The following ZNF516 variants were observed in gnomAD, a reference collection of about 807,000 sequenced individuals.
The protein encoded by ZNF516 is zinc finger protein 516.
Under a neutral mutation model 79.7 loss-of-function variants are expected in ZNF516, and 19 were observed. That is an observed-to-expected ratio of 0.24 (90% CI 0.17 to 0.35). The LOEUF is 0.35. Ranked by LOEUF, ZNF516 falls within the 10% of genes least tolerant of loss-of-function variation. The pLI, the probability that ZNF516 is intolerant of heterozygous loss-of-function variation, is 1.00. For missense variants in ZNF516, 1,678 were observed against 1,679.5 expected, an observed-to-expected ratio of 1.00 and a Z score of 0.02; for synonymous variants, 877 against 739.5, an observed-to-expected ratio of 1.19 and a Z score of -3.02.
chr18:76,462,869 TTTC>T (rs1421056865), intron 2 of ZNF516, among the ~76,000 whole-genome samples, 156 bp downstream of exon 2: 8 of 152,308 alleles, frequency 5.3e-5, no homozygotes, highest in South Asian at 2.1e-4. Context: ...TTTAATTATT[TTTC>T]TTCTATTTAC....
intron 3 of ZNF516, among the ~76,000 whole-genome samples, chr18:76,431,481 C>T (rs1403642256): frequency 6.6e-6 from 1 of 152,202 alleles, no homozygotes; most frequent in African/African-American, 2.4e-5. Context: ...TCTGGAAGGT[C>T]CTGTGCCCGG....
chr18:76,480,234 T>A (rs1377526425), intron 1 of ZNF516, among the ~76,000 whole-genome samples: 6 of 151,862 alleles, frequency 4.0e-5, no homozygotes, highest in Non-Finnish European at 7.4e-5. Context: ...TTTAACATTT[T>A]GGATTTTGGA....
At chr18:76,392,329 T>C (rs1041638656) in intron 3 of ZNF516, among the ~76,000 whole-genome samples, 3 of 152,224 alleles carry the variant, frequency 2.0e-5, no homozygotes, top group Non-Finnish European at 2.9e-5. Flanking sequence ...AATCTTCTGG[T>C]CAGCCACAGG....
rs1448584258 is a variant in ZNF516 at position 76,467,940 on chromosome 18, C to T, written c.-271-4799G>A. 1.3e-5 allele frequency among the ~76,000 whole-genome samples: 2 copies of T among 152,198 alleles called. No individual in the cohort carries two copies. Among genetic ancestry groups the T allele is most frequent in the Non-Finnish European group, 2.9e-5 (2 of 68,046 alleles). On this transcript the variant is annotated intron_variant, in intron 1 of 6. Transcript: ENST00000443185. This position sits in a 1 kb window ranked among gnomAD's most constrained non-coding sequence, Gnocchi z 4.2. ...TGCTAACTCCCACTGTCATCCCAGG[C>T]AGCCTTGCAAGCAAAGAGTAGCTGC... is the stretch of plus-strand genomic sequence containing the variant.
At chr18:76,470,666 A>T (rs1913774838) in intron 1 of ZNF516, among the ~76,000 whole-genome samples, 1 of 152,224 alleles carries the variant, frequency 6.6e-6, no homozygotes, top group Admixed American at 6.5e-5. Flanking sequence ...AGGACTTCTT[A>T]TCTATGATTT....
At chr18:76,483,615 C>G (rs2145795672) in intron 1 of ZNF516, among the ~76,000 whole-genome samples, 1 of 152,296 alleles carries the variant, frequency 6.6e-6, no homozygotes, top group Non-Finnish European at 1.5e-5. Context: ...AGTCTCAGGG[C>G]CCAGCCGTCT....
At position 76,360,227 on chromosome 18, in the gene ZNF516, T is replaced by G. The variant is rs2074510296; in HGVS notation, c.*2271A>C. ...CCAGCTCCAAAGGCCAACTGCACTT[T>G]TCCATGCCGCTTCTGAAACAGTAAA... On this transcript the variant is annotated 3_prime_UTR_variant, in exon 7 of 7. Transcript: ENST00000443185. 1 of 152,226 alleles carries G rather than the reference T, an allele frequency of 6.6e-6. No individual in the cohort carries two copies. Among genetic ancestry groups the G allele is most frequent in the Non-Finnish European group, 1.5e-5 (1 of 68,036 alleles). The allele number at this position is 152,226 out of a possible 1,614,324, so 9.4% of individuals were successfully genotyped here.
chr18:76,386,864 T>A (rs2075000223), intron 3 of ZNF516: 1 of 152,232 alleles, frequency 6.6e-6, no homozygotes, highest in African/African-American at 2.4e-5. Context: ...TTCTATAATT[T>A]CGGCAACCAT....
chr18:76,417,935 A>G (rs545238537), intron 3 of ZNF516, among the ~76,000 whole-genome samples: 1 of 152,248 alleles, frequency 6.6e-6, no homozygotes, highest in Admixed American at 6.5e-5. Context: ...TCTCGGCCAG[A>G]GGGTCAAGTA....
intron 1 of ZNF516, among the ~76,000 whole-genome samples, chr18:76,472,724 C>T (rs192689692): frequency 6.6e-6 from 1 of 152,254 alleles, no homozygotes; most frequent in Non-Finnish European, 1.5e-5. Flanking sequence ...CAGGATGGCT[C>T]CAAATGAAGG....
Position 76,441,477 on chromosome 18 carries a change from G to C in ZNF516, c.1578C>G (p.Thr526=), listed in dbSNP as rs752864778. 5.0e-6 allele frequency: 8 copies of C among 1,602,534 alleles called. No homozygotes were observed. Among genetic ancestry groups the C allele is most frequent in the Non-Finnish European group, 6.8e-6 (8 of 1,175,860 alleles). ...GTGAGTGCAGCACCATCTGATGATA[G>C]GTGCGGAAGATCTTGCCGCACTCGA... is the stretch of plus-strand genomic sequence containing the variant. ...ECFECGKIFR[T]YHQMVLHSRV... The change falls in exon 3 of 7, where the codon ACC becomes ACG. Residue 526 remains threonine, a synonymous_variant. Transcript: ENST00000443185.
At chr18:76,375,348 G>A (rs2074769571) in intron 4 of ZNF516, among the ~76,000 whole-genome samples, 1 of 152,026 alleles carries the variant, frequency 6.6e-6, no homozygotes, top group African/African-American at 2.4e-5. Flanking sequence ...GTAGAAGGAT[G>A]GACACAGAAG....
chr18:76,437,580 T>C (rs1035304926), intron 3 of ZNF516, among the ~76,000 whole-genome samples: 37 of 152,168 alleles, frequency 2.4e-4, no homozygotes, highest in Non-Finnish European at 5.1e-4. Context: ...TTGAACACAA[T>C]GGTCCTTTGT....
rs1007263412 is a variant in ZNF516 at position 76,361,585 on chromosome 18, CT to C, written c.*912del. The stretch of plus-strand genomic sequence containing the variant: ...GGGCACCTGAACCTGCTCAGGGATT[CT>C]TCTGCCATTACTAAAACAGGTCCGA... On this transcript the variant is annotated 3_prime_UTR_variant, in exon 7 of 7. Transcript: ENST00000443185. 6.6e-6 allele frequency: 1 copy of C among 152,234 alleles called. No homozygotes were observed. Among genetic ancestry groups the C allele is most frequent in the African/African-American group, 2.4e-5 (1 of 41,436 alleles). 9.4% of individuals were successfully genotyped at this position (152,234 alleles called of 1,614,324 possible). A position where few individuals can be genotyped will look rare whatever the true frequency, so the allele number is the denominator to read the frequency against.
Position 76,467,980 on chromosome 18 carries a change from C to A in ZNF516, c.-271-4839G>T, listed in dbSNP as rs1049685174. On this transcript the variant is annotated intron_variant, in intron 1 of 6. Transcript: ENST00000443185. This position sits in a 1 kb window ranked among gnomAD's most constrained non-coding sequence, Gnocchi z 4.2. ...AGAGTAGCTGCGGCGCATTCCAGAC[C>A]TCCCTACGGACAGCACGCGACGGAC... Among the ~76,000 whole-genome samples, 1 of 152,196 alleles carries A rather than the reference C, an allele frequency of 6.6e-6. No homozygotes were observed. The highest frequency in any genetic ancestry group is 2.4e-5 in the African/African-American group (1 of 41,444).
intron 1 of ZNF516, among the ~76,000 whole-genome samples, chr18:76,473,898 T>TGTGTGTG (rs1914014402): frequency 2.9e-4 from 8 of 27,890 alleles, no homozygotes; most frequent in Non-Finnish European, 4.4e-4. Context: ...TTGGTTGTTT[T>TGTGTGTG]TGTGTGGGGG....
At position 76,357,965 on chromosome 18, in the gene ZNF516, G is replaced by A. The variant is rs2074479718; in HGVS notation, c.*4533C>T. Reference sequence around the variant, plus strand: ...AACACAGCGTCTCCATTAAAAAACTGTATGTCCTCGAGTCCACAAAAGAGT... The same window carrying A: ...AACACAGCGTCTCCATTAAAAAACTATATGTCCTCGAGTCCACAAAAGAGT... On this transcript the variant is annotated 3_prime_UTR_variant, in exon 7 of 7. Transcript: ENST00000443185. Among the ~76,000 whole-genome samples, 1 of 152,154 alleles carries A rather than the reference G, an allele frequency of 6.6e-6. No individual in the cohort carries two copies. Among genetic ancestry groups the A allele is most frequent in the Non-Finnish European group, 1.5e-5 (1 of 68,034 alleles).
chr18:76,434,660 T>C (rs1303018338), intron 3 of ZNF516, among the ~76,000 whole-genome samples: 1 of 152,186 alleles, frequency 6.6e-6, no homozygotes, highest in Admixed American at 6.5e-5. Flanking sequence ...TGGGCACAAG[T>C]GCAGATGCAG....
At chr18:76,427,913 CTTT>C (rs1162373270) in intron 3 of ZNF516, among the ~76,000 whole-genome samples, 3 of 152,120 alleles carry the variant, frequency 2.0e-5, no homozygotes, top group Non-Finnish European at 4.4e-5. Context: ...AAATATACCA[CTTT>C]TTTTGTTTCA....
Sources: allele counts gnomAD v4.1 joint callset (sites outside exome capture counted in the v4.1 genomes callset), GRCh38; gene constraint gnomAD v4.1.1; non-coding constraint Gnocchi (gnomAD v3.1); transcripts MANE v1.5; gene names NCBI Gene and HGNC (gene_info 2026-07-23, HGNC 2026-07-21).